NISCH: variants seen among roughly 807,000 people sequenced by gnomAD.
The protein encoded by NISCH is nischarin, also known as I-1 receptor candidate protein.
A neutral mutation model predicts 138.4 loss-of-function variants in NISCH; 55 were observed. The observed-to-expected ratio is 0.40, with a 90% CI of 0.32 to 0.50. The LOEUF (loss-of-function observed/expected upper bound fraction) is 0.50, where lower values mean the gene tolerates loss of function less well. Ranked by LOEUF, NISCH falls within the 20% of genes least tolerant of loss-of-function variation. The probability of loss-of-function intolerance (pLI) is 0.71; values close to 1 mark genes in which losing one functional copy is unlikely to be tolerated. For missense variants in NISCH, 1,643 were observed against 2,005.5 expected, an observed-to-expected ratio of 0.82 and a Z score of 3.45; for synonymous variants, 860 against 861.5, an observed-to-expected ratio of 1.00 and a Z score of 0.03.
At chr3:52,479,206 G>T (rs1299425226) in intron 11 of NISCH, among the ~76,000 whole-genome samples, 1 of 152,130 alleles carries the variant, frequency 6.6e-6, no homozygotes, top group African/African-American at 2.4e-5. Flanking sequence ...GCCACAGAGT[G>T]TCAGCTCCTG....
chr3:52,487,791 G>A lies in NISCH; in HGVS notation c.2299G>A (p.Asp767Asn). The A allele has an allele frequency of 6.2e-7, 1 of 1,613,502 alleles. No individual in the cohort carries two copies. The stretch of plus-strand genomic sequence containing the variant: ...CTTTGTCTTTTGCTTCCCGCATGGC[G>A]ACCTCACCGAGTTTGGCTTCCTCAT... ...LRFVFCFPHG[D>N]LTEFGFLMPE... is the part of the protein sequence containing the mutation. The change falls in exon 16 of 21, where the codon GAC becomes AAC. Residue 767 changes from aspartate to asparagine, a missense_variant. Physicochemically the swap from Asp to Asn is conservative, Grantham distance 23 (BLOSUM62 1). Coordinates refer to ENST00000345716, the MANE Select transcript of NISCH (RefSeq NM_007184.4). The surrounding 1 kb of genome is among the most constrained non-coding windows in gnomAD (Gnocchi z 9.1).
At chr3:52,483,289 C>T (rs923281304) in intron 13 of NISCH, among the ~76,000 whole-genome samples, 28 of 152,084 alleles carry the variant, frequency 1.8e-4, no homozygotes, top group Admixed American at 1.4e-3. Flanking sequence ...CTGAGCTGGT[C>T]GGGGGTCTCG....
intron 3 of NISCH, among the ~76,000 whole-genome samples, chr3:52,469,238 T>C (rs1185848033): frequency 6.6e-6 from 1 of 152,102 alleles, no homozygotes; most frequent in Non-Finnish European, 1.5e-5. Context: ...TTGGCTGCCA[T>C]CTGTCGATGA....
chr3:52,478,731 A>G lies in NISCH; in HGVS notation c.1302+154A>G. 10 of 667,502 alleles carry G rather than the reference A, an allele frequency of 1.5e-5. No individual in the cohort carries two copies. The South Asian group carries it at 1.9e-4, about 13-fold the overall frequency. The allele number at this position is 667,502 out of a possible 1,614,324, so 41.3% of individuals were successfully genotyped here. On this transcript the variant is annotated intron_variant, in intron 11 of 20. Coordinates refer to ENST00000345716, the MANE Select transcript of NISCH (RefSeq NM_007184.4). ...GGGGCTTTTCAGTTCTGGGAAGTCC[A>G]CTATCTCCCCAGGAAAAAGCTCCCT...
rs372911860 is a variant in NISCH, at chr3:52,488,399, C to T, written c.2907C>T (p.Gly969=). ...AGCCTCGGGGCGCCTTTGCTGATGGCCACGTGCTAGAGCTGCTCGTGGGGT... is the reference window on the plus strand; with the variant it reads ...AGCCTCGGGGCGCCTTTGCTGATGGTCACGTGCTAGAGCTGCTCGTGGGGT... ...CTQPRGAFAD[G]HVLELLVGYR... is the part of the protein sequence containing the mutation. Residue 969 remains glycine, a synonymous_variant, in exon 16 of 21, where the codon GGC becomes GGT. Coordinates refer to ENST00000345716, the MANE Select transcript of NISCH (RefSeq NM_007184.4). 2 of 1,613,846 alleles carry T rather than the reference C, an allele frequency of 1.2e-6. No individual in the cohort carries two copies. The highest frequency in any genetic ancestry group is 1.7e-6 in the Non-Finnish European group (2 of 1,180,018).
chr3:52,480,124 G>A, intron 12 of NISCH, 60 bp from the exon 13 acceptor site: 1 of 1,594,214 alleles, frequency 6.3e-7, no homozygotes, highest in Non-Finnish European at 8.6e-7. Flanking sequence ...CACACCCCTG[G>A]CCTTGGGGAG....
chr3:52,490,653 A>C, intron 18 of NISCH, 52 bp from the exon 19 acceptor site: 1 of 1,612,424 alleles, frequency 6.2e-7, no homozygotes, highest in South Asian at 1.1e-5. Context: ...ACACCTAGGA[A>C]CCTTGTGCTT....
intron 13 of NISCH, chr3:52,481,415 C>T: frequency 2.0e-6 from 2 of 986,254 alleles, no homozygotes; most frequent in African/African-American, 1.7e-5. Flanking sequence ...AGGATGATTG[C>T]CCATTTTGCT....
chr3:52,479,736 C>A lies in NISCH; in HGVS notation c.1303-13C>A. 1 of 1,600,142 alleles carries A rather than the reference C, an allele frequency of 6.2e-7. No individual in the cohort carries two copies. The highest frequency in any genetic ancestry group is 8.5e-7 in the Non-Finnish European group (1 of 1,171,124). On this transcript the variant is annotated splice_polypyrimidine_tract_variant and intron_variant, in intron 11 of 20. Coordinates refer to ENST00000345716, the MANE Select transcript of NISCH (RefSeq NM_007184.4). Reference sequence around the variant, plus strand: ...CAGTCCCCATGCTGATAGCCACTTTCTGGATGCTCTAGGTCTGTCTGGATG... The same window carrying A: ...CAGTCCCCATGCTGATAGCCACTTTATGGATGCTCTAGGTCTGTCTGGATG...
In NISCH at chr3:52,463,924, A is replaced by T. The variant is rs7630295; in HGVS notation, c.360+5080A>T. Among the ~76,000 whole-genome samples, 200 of 150,284 alleles carry T rather than the reference A, an allele frequency of 1.3e-3. 2 individuals are homozygous for T. The highest frequency in any genetic ancestry group is 4.4e-3 in the African/African-American group (181 of 41,062). On this transcript the variant is annotated intron_variant, in intron 3 of 20. Coordinates refer to ENST00000345716, the MANE Select transcript of NISCH (RefSeq NM_007184.4). The stretch of plus-strand genomic sequence containing the variant: ...TTTTTTTCATTAGAGACGGGGTTTC[A>T]CCATGTCGGCCAGGATGGTCTCGAA...
intron 13 of NISCH, among the ~76,000 whole-genome samples, chr3:52,482,272 G>C (rs1402290403): frequency 6.6e-6 from 1 of 152,214 alleles, no homozygotes; most frequent in East Asian, 1.9e-4. Context: ...TCCCGAGAAG[G>C]GAGCCTGCTT....
chr3:52,474,054 C>T (rs970189709), intron 7 of NISCH, among the ~76,000 whole-genome samples: 1 of 152,208 alleles, frequency 6.6e-6, no homozygotes. Context: ...GTTAACAGGA[C>T]ATTTTAAGGA....
In NISCH at chr3:52,478,224, G is replaced by A. The variant is rs138837125; in HGVS notation, c.1115G>A (p.Gly372Asp). ...GGCAACCTCCTAGAGAGTCTGAGTG[G>A]CCTGCACAAGCTCTACTCACTGGTC... ...LAGNLLESLSGLHKLYSLVNL... is the reference protein window; with the variant it reads ...LAGNLLESLSDLHKLYSLVNL... Residue 372 changes from glycine (G) to aspartate (D), a missense_variant, in exon 10 of 21, where the codon GGC becomes GAC. Transcript: ENST00000345716. 6.8e-5 allele frequency: 110 copies of A among 1,613,992 alleles called. No individual in the cohort carries two copies. Among genetic ancestry groups the A allele is most frequent in the Non-Finnish European group, 8.9e-5 (105 of 1,179,990 alleles).
chr3:52,470,339 G>T (rs1706909560), intron 3 of NISCH, among the ~76,000 whole-genome samples: 1 of 152,186 alleles, frequency 6.6e-6, no homozygotes, highest in South Asian at 2.1e-4. Context: ...AACACAAGAA[G>T]AAAACAAGTG....
At chr3:52,491,577 G>T in intron 20 of NISCH, 64 bp downstream of exon 20, 1 of 1,517,554 alleles carries the variant, frequency 6.6e-7, no homozygotes, top group Non-Finnish European at 8.9e-7. Flanking sequence ...CCCCAGGGTG[G>T]CTCTCTGTGC....
In NISCH at chr3:52,490,844, C is replaced by G. The variant is rs374372112; in HGVS notation, c.3742+11C>G. The G allele has an allele frequency of 1.2e-6, 2 of 1,613,958 alleles. No individual in the cohort carries two copies. Among genetic ancestry groups the G allele is most frequent in the Non-Finnish European group, 1.7e-6 (2 of 1,179,872 alleles). On this transcript the variant is annotated intron_variant, in intron 19 of 20. Coordinates refer to ENST00000345716, the MANE Select transcript of NISCH (RefSeq NM_007184.4). ...ATTTCCGGCTGACGGGTGGGTGACCCTCTGTGCTTTGTCCTATTTCGGGTG... is the reference window on the plus strand; with the variant it reads ...ATTTCCGGCTGACGGGTGGGTGACCGTCTGTGCTTTGTCCTATTTCGGGTG...
rs2153232006 is a variant in NISCH, at chr3:52,492,642, C to G, written c.*160C>G. The G allele has an allele frequency of 2.8e-6, 3 of 1,056,568 alleles. No homozygotes were observed. In the African/African-American group the frequency reaches 4.8e-5, roughly 17 times the overall value. The allele number at this position is 1,056,568 out of a possible 1,614,324, so 65.4% of individuals were successfully genotyped here. ...TGTGTGTGTGTTGTGTTAATTCTTTCTCATGTTGGGAGTGAGAATGCCGGG... is the reference window on the plus strand; with the variant it reads ...TGTGTGTGTGTTGTGTTAATTCTTTGTCATGTTGGGAGTGAGAATGCCGGG... On this transcript the variant is annotated 3_prime_UTR_variant, in exon 21 of 21. Transcript: ENST00000345716.
rs1160941294 is a variant in NISCH, at chr3:52,491,979, G to T, written c.4012G>T (p.Glu1338Ter). ...GTTCACTGTGGCCCAAAAGATGGCT[G>T]AGCCAGAGAAGGCCCCAGCCCTCAG... ...LTFTVAQKMA[E>*]PEKAPALSIL... Residue 1338 changes from glutamate to a stop codon, truncating the protein, a stop_gained, in exon 21 of 21, where the codon GAG becomes TAG. Coordinates refer to ENST00000345716, the MANE Select transcript of NISCH (RefSeq NM_007184.4). LOFTEE classifies it high-confidence loss of function. The T allele has an allele frequency of 6.2e-7, 1 of 1,613,624 alleles. No homozygotes were observed. The highest frequency in any genetic ancestry group is 8.5e-7 in the Non-Finnish European group (1 of 1,180,032).
chr3:52,460,789 T>G lies in NISCH; in HGVS notation c.360+1945T>G, dbSNP rs555731689. 2.6e-5 allele frequency among the ~76,000 whole-genome samples: 4 copies of G among 152,370 alleles called. No homozygotes were observed. The South Asian group carries it at 8.3e-4, about 32-fold the overall frequency. On this transcript the variant is annotated intron_variant, in intron 3 of 20. Transcript: ENST00000345716. ...AGAAGGTTTACGTATACCAAAATGC[T>G]AAGAGTAGTTTTCTCTGAGTGATAG...
Sources: gnomAD v4.1 joint callset for allele counts (sites outside exome capture counted in the v4.1 genomes callset) on GRCh38, gnomAD v4.1.1 for gene constraint, Gnocchi (gnomAD v3.1) non-coding constraint, MANE v1.5 for transcripts, NCBI Gene and HGNC (gene_info 2026-07-23, HGNC 2026-07-21) for gene names.